PRKN: variants seen among roughly 807,000 people sequenced by gnomAD.
The protein encoded by PRKN is E3 ubiquitin-protein ligase parkin.
PRKN carries 56 observed loss-of-function variants against 59.5 expected under a neutral mutation model. The ratio of observed to expected loss-of-function variants is 0.94; its 90% CI spans 0.76 to 1.18. PRKN has a LOEUF of 1.18. Among genes scored for constraint, PRKN ranks in the 50% most tolerant of loss-of-function variants. The pLI, the probability that PRKN is intolerant of heterozygous loss-of-function variation, is 0.00. For synonymous variants in PRKN, 250 were observed against 222.1 expected, an observed-to-expected ratio of 1.13 and a Z score of -1.12; for missense variants, 657 against 596.4, an observed-to-expected ratio of 1.10 and a Z score of -1.06.
At chr6:162,450,340 T>C (rs1790540127) in intron 1 of PRKN, among the ~76,000 whole-genome samples, 1 of 93,630 alleles carries the variant, frequency 1.1e-5, no homozygotes, top group Admixed American at 1.1e-4. Flanking sequence ...CCCCTGTGAT[T>C]GTAATCCCCC....
At chr6:162,321,354 T>A (rs1005451301) in intron 2 of PRKN, among the ~76,000 whole-genome samples, 1 of 151,850 alleles carries the variant, frequency 6.6e-6, no homozygotes, top group African/African-American at 2.4e-5. Context: ...TTGAATAGAC[T>A]TATGTCTATT....
intron 9 of PRKN, among the ~76,000 whole-genome samples, chr6:161,411,579 C>T (rs1324533761): frequency 1.3e-5 from 2 of 152,186 alleles, no homozygotes; most frequent in African/African-American, 4.8e-5. Context: ...CAGTGTCTGT[C>T]TGCGAACTCA....
intron 6 of PRKN, among the ~76,000 whole-genome samples, chr6:161,798,931 AC>A (rs1274391349): frequency 6.6e-6 from 1 of 151,878 alleles, no homozygotes; most frequent in African/African-American, 2.4e-5. Flanking sequence ...CACTGCCCTC[AC>A]CCTTTTCATC....
intron 1 of PRKN, among the ~76,000 whole-genome samples, chr6:162,561,990 C>G (rs772461271): frequency 9.9e-5 from 15 of 152,274 alleles, no homozygotes; most frequent in Middle Eastern, 3.4e-3. Context: ...GGCATCACTG[C>G]TCCCCTAATC....
chr6:161,720,515 G>T (rs73013501), intron 7 of PRKN, among the ~76,000 whole-genome samples: 21,544 of 144,212 alleles, frequency 0.15, 1,897 homozygotes, highest in Non-Finnish European at 0.2. Flanking sequence ...ATGGGCACAG[G>T]TGGGGGGGGG....
At chr6:161,619,571 A>C (rs1421196791) in intron 7 of PRKN, among the ~76,000 whole-genome samples, 1 of 152,164 alleles carries the variant, frequency 6.6e-6, no homozygotes, top group Non-Finnish European at 1.5e-5. Flanking sequence ...TCTCACAGTG[A>C]CCCTGAAATA....
chr6:162,309,445 G>A (rs1411556154), intron 2 of PRKN, among the ~76,000 whole-genome samples: 3 of 152,114 alleles, frequency 2.0e-5, no homozygotes, highest in African/African-American at 2.4e-5. Flanking sequence ...GATTACAGGC[G>A]TGAGCCAGAA....
intron 2 of PRKN, among the ~76,000 whole-genome samples, chr6:162,295,437 T>C (rs1781627226): frequency 6.6e-6 from 1 of 152,186 alleles, no homozygotes; most frequent in Non-Finnish European, 1.5e-5. Flanking sequence ...ACACAGGCCC[T>C]GTGGTCTGAT....
At chr6:162,301,778 CGGGG>C (rs1356977308) in intron 2 of PRKN, among the ~76,000 whole-genome samples, 16 of 62,916 alleles carry the variant, frequency 2.5e-4, no homozygotes, top group Non-Finnish European at 5.0e-4. Context: ...ATAAATTGGC[CGGGG>C]CGGGGGGGGG....
At chr6:162,333,511 C>T (rs993693799) in intron 2 of PRKN, among the ~76,000 whole-genome samples, 1 of 152,072 alleles carries the variant, frequency 6.6e-6, no homozygotes, top group African/African-American at 2.4e-5. Context: ...GTATGATCCA[C>T]GATCACTGAC....
chr6:161,359,440 C>T lies in PRKN; in HGVS notation c.1285+648G>A, dbSNP rs1784892604. On this transcript the variant is annotated intron_variant, in intron 11 of 11. Transcript: ENST00000366898. This position sits in a 1 kb window ranked among gnomAD's most constrained non-coding sequence, Gnocchi z 5.4. The stretch of plus-strand genomic sequence containing the variant: ...CTCATTAAGGAGAAGCTGGGAGAGG[C>T]TGCGCCTGGCTTCGTGTCATTGCTC... Among the ~76,000 whole-genome samples, 1 of 152,232 alleles carries T rather than the reference C, an allele frequency of 6.6e-6. No individual in the cohort carries two copies. The highest frequency in any genetic ancestry group is 1.5e-5 in the Non-Finnish European group (1 of 68,042).
At chr6:162,103,603 T>C (rs1289736714) in intron 4 of PRKN, among the ~76,000 whole-genome samples, 3 of 151,676 alleles carry the variant, frequency 2.0e-5, no homozygotes, top group Non-Finnish European at 4.4e-5. Context: ...GGGAGAACTC[T>C]TAGCTACATT....
chr6:162,074,575 C>T (rs1331581852), intron 4 of PRKN, among the ~76,000 whole-genome samples: 4 of 151,506 alleles, frequency 2.6e-5, no homozygotes, highest in African/African-American at 9.7e-5. Flanking sequence ...CACATGTATA[C>T]GTATGTAACT....
rs1000332513 is a variant in PRKN, at chr6:161,390,128, A to G, written c.1084-3251T>C. ...TGGTCCTTCCCAATTAAGTAACATG[A>G]ATCTGTCTCATGTGCAATGTAGAAG... On this transcript the variant is annotated intron_variant, in intron 9 of 11. Coordinates refer to ENST00000366898, the MANE Select transcript of PRKN (RefSeq NM_004562.3). The surrounding 1 kb of genome is among the most constrained non-coding windows in gnomAD (Gnocchi z 7.0). 1.3e-5 allele frequency among the ~76,000 whole-genome samples: 2 copies of G among 152,228 alleles called. No homozygotes were observed. Among genetic ancestry groups the G allele is most frequent in the Non-Finnish European group, 2.9e-5 (2 of 68,038 alleles).
chr6:161,645,892 TGGC>T (rs751682178), intron 7 of PRKN, among the ~76,000 whole-genome samples: 10 of 152,220 alleles, frequency 6.6e-5, no homozygotes. Context: ...CCAGCGCAGG[TGGC>T]GGAGGAGGCG....
intron 7 of PRKN, among the ~76,000 whole-genome samples, chr6:161,661,638 C>T (rs1254485291): frequency 1.3e-5 from 2 of 151,904 alleles, no homozygotes; most frequent in African/African-American, 2.4e-5. Context: ...TACCAAAGTA[C>T]AGGTTCTGTG....
At chr6:161,649,270 C>T (rs542069175) in intron 7 of PRKN, among the ~76,000 whole-genome samples, 2 of 152,320 alleles carry the variant, frequency 1.3e-5, no homozygotes, top group Admixed American at 6.5e-5. Context: ...GTTCACAATG[C>T]ACCCTCCTGG....
Position 161,397,544 on chromosome 6 carries a change from A to T in PRKN, c.1084-10667T>A, listed in dbSNP as rs1329096056. Reference sequence around the variant, plus strand: ...TCTCAAAATCTATTCCACCCTTCCCAACTCCTCTTTTAAGATGCACTTTGC... The same window carrying T: ...TCTCAAAATCTATTCCACCCTTCCCTACTCCTCTTTTAAGATGCACTTTGC... On this transcript the variant is annotated intron_variant, in intron 9 of 11. Transcript: ENST00000366898. This position sits in a 1 kb window ranked among gnomAD's most constrained non-coding sequence, Gnocchi z 4.2. Among the ~76,000 whole-genome samples the T allele has an allele frequency of 6.6e-6, 1 of 152,122 alleles. No homozygotes were observed. The highest frequency in any genetic ancestry group is 1.5e-5 in the Non-Finnish European group (1 of 68,034).
At chr6:162,616,549 C>T (rs200665728) in intron 1 of PRKN, among the ~76,000 whole-genome samples, 2 of 152,112 alleles carry the variant, frequency 1.3e-5, no homozygotes, top group East Asian at 3.9e-4. Flanking sequence ...CGTAATATAA[C>T]TCACTACACA....
Sources: gnomAD v4.1 joint callset for allele counts (sites outside exome capture counted in the v4.1 genomes callset) on GRCh38, gnomAD v4.1.1 for gene constraint, Gnocchi (gnomAD v3.1) non-coding constraint, MANE v1.5 for transcripts, NCBI Gene and HGNC (gene_info 2026-07-23, HGNC 2026-07-21) for gene names.